MAF: variants seen among roughly 807,000 people sequenced by gnomAD.
MAF encodes MAF bZIP transcription factor.
In MAF, 10 loss-of-function variants were observed where a neutral mutation model predicts 22.0. The observed-to-expected ratio is 0.45, with a 90% CI of 0.28 to 0.77. The LOEUF (loss-of-function observed/expected upper bound fraction) is 0.77, where lower values mean the gene tolerates loss of function less well. Among genes scored for constraint, MAF ranks in the 30% least tolerant of loss-of-function variants. The pLI, the probability that MAF is intolerant of heterozygous loss-of-function variation, is 0.12. For missense variants in MAF, 544 were observed against 548.4 expected (o/e 0.99, Z 0.08); for synonymous variants, 337 against 255.8 (o/e 1.32, Z -3.03).
At chr16:79,301,203 A>G in the MAF span, among the ~76,000 whole-genome samples, 1 of 152,118 alleles carries the variant, frequency 6.6e-6, no homozygotes, top group Admixed American at 6.5e-5. Context: ...TCCTAACTGC[A>G]TGAAGGACAC....
At chr16:79,581,746 T>G (rs943137995), downstream of MAF, among the ~76,000 whole-genome samples, 3 of 152,232 alleles carry the variant, frequency 2.0e-5, no homozygotes, top group Admixed American at 6.5e-5. Flanking sequence ...CCTTCACCTC[T>G]CTTTTTGGAC....
At chr16:79,488,388 G>C in the MAF span, among the ~76,000 whole-genome samples, 1 of 152,146 alleles carries the variant, frequency 6.6e-6, no homozygotes, top group South Asian at 2.1e-4. Flanking sequence ...GGGCGAGACT[G>C]CTTGGGATTG....
chr16:79,392,962 CT>C, the MAF span, among the ~76,000 whole-genome samples: 1 of 152,174 alleles, frequency 6.6e-6, no homozygotes, highest in Non-Finnish European at 1.5e-5. Flanking sequence ...CATTCCAGGC[CT>C]TGGCAGCTCC....
At chr16:79,272,983 A>C in the MAF span, among the ~76,000 whole-genome samples, 16 of 152,296 alleles carry the variant, frequency 1.1e-4, no homozygotes, top group East Asian at 2.9e-3. Flanking sequence ...AATGTGTCTA[A>C]ACTCTAAATT....
At chr16:79,365,261 C>T in the MAF span, among the ~76,000 whole-genome samples, 93,064 of 152,058 alleles carry the variant, frequency 0.61, 30,114 homozygotes, top group African/African-American at 0.81. Context: ...GATAGGTAGG[C>T]CCTGCTATCG....
At chr16:79,289,399 T>C in the MAF span, among the ~76,000 whole-genome samples, 5 of 151,942 alleles carry the variant, frequency 3.3e-5, no homozygotes, top group African/African-American at 1.2e-4. Context: ...GAAGATGGAA[T>C]TGTGAAGGGG....
chr16:79,471,929 T>C, the MAF span, among the ~76,000 whole-genome samples: 5 of 152,216 alleles, frequency 3.3e-5, no homozygotes, highest in African/African-American at 1.2e-4. Context: ...AAAATGGCCT[T>C]GCTAAGTGCA....
At chr16:79,582,305 G>A (rs773451761), downstream of MAF, among the ~76,000 whole-genome samples, 1 of 152,200 alleles carries the variant, frequency 6.6e-6, no homozygotes, top group Non-Finnish European at 1.5e-5. Flanking sequence ...ATTTTGGCAG[G>A]TGACTGAACG....
chr16:79,547,576 T>C, the MAF span, among the ~76,000 whole-genome samples: 143 of 152,242 alleles, frequency 9.4e-4, 2 homozygotes, highest in East Asian at 0.024. Context: ...CGTAAAGCAA[T>C]TGCAATATCC....
the MAF span, among the ~76,000 whole-genome samples, chr16:79,461,668 C>T: frequency 2.6e-5 from 4 of 152,094 alleles, no homozygotes; most frequent in African/African-American, 7.2e-5. Context: ...CTCTGCCATA[C>T]GTACTATTTG....
chr16:79,559,348 G>A, the MAF span, among the ~76,000 whole-genome samples: 1 of 152,150 alleles, frequency 6.6e-6, no homozygotes, highest in African/African-American at 2.4e-5. Flanking sequence ...AGTTATTCAT[G>A]GTCCTCAACA....
the MAF span, among the ~76,000 whole-genome samples, chr16:79,327,104 G>C: frequency 6.6e-6 from 1 of 152,194 alleles, no homozygotes; most frequent in Non-Finnish European, 1.5e-5. Context: ...TGCAGTACAG[G>C]GGAAATCTCT....
chr16:79,477,017 C>G, the MAF span, among the ~76,000 whole-genome samples: 1 of 152,086 alleles, frequency 6.6e-6, no homozygotes, highest in Non-Finnish European at 1.5e-5. Flanking sequence ...GGTGATGAGT[C>G]CCACCTCAGG....
At chr16:79,235,564 ATGAT>A in the MAF span, among the ~76,000 whole-genome samples, 1 of 151,938 alleles carries the variant, frequency 6.6e-6, no homozygotes, top group Admixed American at 6.6e-5. Context: ...TTTTAAAAAT[ATGAT>A]TGAAAGCCGC....
At chr16:79,570,748 T>C in the MAF span, among the ~76,000 whole-genome samples, 5 of 152,134 alleles carry the variant, frequency 3.3e-5, no homozygotes, top group African/African-American at 4.8e-5. Flanking sequence ...TCCCCAGATG[T>C]GGAATTGAGA....
chr16:79,323,145 TCTAAAAAAAAAAAAAA>T, the MAF span, among the ~76,000 whole-genome samples: 1 of 31,984 alleles, frequency 3.1e-5, no homozygotes, highest in Non-Finnish European at 5.5e-5. Context: ...CGAGACTCCA[TCTAAAAAAAAAAAAAA>T]AAAAAAAAAA....
At chr16:79,484,810 TGTGC>T in the MAF span, among the ~76,000 whole-genome samples, 2 of 152,196 alleles carry the variant, frequency 1.3e-5, no homozygotes, top group African/African-American at 2.4e-5. Flanking sequence ...CGTGTGTGTG[TGTGC>T]ATGTGTGTGA....
the MAF span, among the ~76,000 whole-genome samples, chr16:79,241,072 C>T: frequency 4.6e-5 from 7 of 152,178 alleles, no homozygotes; most frequent in African/African-American, 7.2e-5. Flanking sequence ...GGTAAATCCA[C>T]GAAGATGGGG....
chr16:79,465,636 C>T, the MAF span, among the ~76,000 whole-genome samples: 74 of 152,214 alleles, frequency 4.9e-4, no homozygotes, highest in Non-Finnish European at 8.4e-4. Context: ...AGAAAAGAAA[C>T]ATACTTGTAA....
Sources: allele counts gnomAD v4.1 joint callset (sites outside exome capture counted in the v4.1 genomes callset), GRCh38; gene constraint gnomAD v4.1.1; transcripts MANE v1.5; gene names NCBI Gene and HGNC (gene_info 2026-07-23, HGNC 2026-07-21).